Variants in DDX27 observed in about 807,000 individuals in gnomAD.
DDX27 encodes probable ATP-dependent RNA helicase DDX27.
In DDX27, 42 loss-of-function variants were observed where a neutral mutation model predicts 99.3. The ratio of observed to expected loss-of-function variants is 0.42; its 90% CI spans 0.33 to 0.55. DDX27 has a LOEUF of 0.55. DDX27 is among the 20% of genes least tolerant of loss of function. The pLI, the probability that DDX27 is intolerant of heterozygous loss-of-function variation, is 0.07. For missense variants in DDX27, 798 were observed against 976.8 expected (o/e 0.82, Z 2.44); for synonymous variants, 329 against 353.8 (o/e 0.93, Z 0.79).
In DDX27 at chr20:49,228,703, C is replaced by A; in HGVS notation, c.707-12C>A. 6.3e-7 allele frequency: 1 copy of A among 1,581,528 alleles called. No individual in the cohort carries two copies. Among genetic ancestry groups the A allele is most frequent in the Non-Finnish European group, 8.6e-7 (1 of 1,157,352 alleles). On this transcript the variant is annotated splice_polypyrimidine_tract_variant and intron_variant, in intron 7 of 20. Transcript: ENST00000618172. Reference sequence around the variant, plus strand: ...CTTCTTCTCATTGCTTCCTTGCTGTCCCTCCCTCCAGGTAAAACTGCCGCC... The same window carrying A: ...CTTCTTCTCATTGCTTCCTTGCTGTACCTCCCTCCAGGTAAAACTGCCGCC...
rs71186443 is a variant in DDX27 at position 49,238,765 on chromosome 20, C to CTTTTTT, written c.1688-164_1688-159dup. ...TACAGGCATGAGCCACTGTGCCTGG[C>CTTTTTT]TTTTTTTTTTTTTTTTTTTTTTTTT... On this transcript the variant is annotated intron_variant, in intron 14 of 20. Coordinates refer to ENST00000618172, the MANE Select transcript of DDX27 (RefSeq NM_017895.8). The CTTTTTT allele has an allele frequency of 8.6e-4, 207 of 239,666 alleles. 61 individuals carry two copies. The highest frequency in any genetic ancestry group is 1.9e-3 in the East Asian group (18 of 9,326). 14.8% of individuals were successfully genotyped at this position (239,666 alleles called of 1,614,324 possible).
intron 2 of DDX27, among the ~76,000 whole-genome samples, 183 bp from the exon 3 acceptor site, chr20:49,222,774 A>G (rs900043586): frequency 6.6e-6 from 1 of 152,046 alleles, no homozygotes; most frequent in Non-Finnish European, 1.5e-5. Context: ...CGGCCTCCCA[A>G]AGTGCTGGGA....
In DDX27 at chr20:49,236,312, C is replaced by T. The variant is rs776215602; in HGVS notation, c.1510-21C>T. On this transcript the variant is annotated intron_variant, in intron 13 of 20. Coordinates refer to ENST00000618172, the MANE Select transcript of DDX27 (RefSeq NM_017895.8). This position sits in a 1 kb window ranked among gnomAD's most constrained non-coding sequence, Gnocchi z 4.1. ...ACCCCCCTTCCCTTGCCAGGCCTGACGTTCATTTTTGACCTTCTAGGTAAT... is the reference window on the plus strand; with the variant it reads ...ACCCCCCTTCCCTTGCCAGGCCTGATGTTCATTTTTGACCTTCTAGGTAAT... The T allele has an allele frequency of 3.1e-5, 49 of 1,569,286 alleles. No individual in the cohort carries two copies. The highest frequency in any genetic ancestry group is 2.5e-4 in the South Asian group (21 of 85,402).
rs1980262158 is a variant in DDX27 at position 49,235,177 on chromosome 20, G to C, written c.1427+89G>C. On this transcript the variant is annotated intron_variant, in intron 12 of 20. Coordinates refer to ENST00000618172, the MANE Select transcript of DDX27 (RefSeq NM_017895.8). ...GAAGAGGACCCTGAGCATTCTATTA[G>C]AACATTAGCAGGGGACACATAGCAT... The C allele has an allele frequency of 9.8e-6, 14 of 1,430,454 alleles. 1 individual carries two copies. In the South Asian group the frequency reaches 2.0e-4, roughly 20 times the overall value. 88.6% of individuals were successfully genotyped at this position (1,430,454 alleles called of 1,614,324 possible). A position where few individuals can be genotyped will look rare whatever the true frequency, so the allele number is the denominator to read the frequency against.
rs773538010 is a variant in DDX27, at chr20:49,243,820, A to G, written c.2284A>G (p.Lys762Glu). The change falls in exon 21 of 21, where the codon AAG (lysine) becomes GAG (glutamate). Residue 762 changes from lysine (K) to glutamate (E), a missense_variant. Transcript: ENST00000618172. ...GGNFKSKSRYKRRK is the reference protein window; with the variant it reads ...GGNFKSKSRYERRK ...TTAACTCTGATTTTCTTACAGATAC[A>G]AGAGGAGGAAGTAGCTGTCGTGGCC... 3.7e-6 allele frequency: 6 copies of G among 1,614,168 alleles called. No individual in the cohort carries two copies. The highest frequency in any genetic ancestry group is 1.3e-5 in the African/African-American group (1 of 75,044).
At position 49,242,099 on chromosome 20, in the gene DDX27, A is replaced by C; in HGVS notation, c.2009A>C (p.Gln670Pro). Reference protein sequence around the residue: ...KGEMTAEERSQFEILKAQMFA... With the variant: ...KGEMTAEERSPFEILKAQMFA... Reference sequence around the variant, plus strand: ...TCCCCCTAGGCAGAGGAAAGGTCTCAGTTTGAAATCCTCAAGGCGCAGATG... The same window carrying C: ...TCCCCCTAGGCAGAGGAAAGGTCTCCGTTTGAAATCCTCAAGGCGCAGATG... Residue 670 changes from glutamine to proline, a missense_variant, in exon 18 of 21, where the codon CAG becomes CCG. Gln to Pro is a moderately conservative substitution (Grantham distance 76). This residue lies in a region of DDX27 where 553 missense variants were observed against 727.9 expected (regional missense o/e 0.76). Transcript: ENST00000618172. 1 of 1,614,224 alleles carries C rather than the reference A, an allele frequency of 6.2e-7. No individual in the cohort carries two copies. Among genetic ancestry groups the C allele is most frequent in the Non-Finnish European group, 8.5e-7 (1 of 1,180,036 alleles).
At chr20:49,226,019 C>T (rs552776766) in intron 6 of DDX27, among the ~76,000 whole-genome samples, 1 of 152,258 alleles carries the variant, frequency 6.6e-6, no homozygotes, top group South Asian at 2.1e-4. Flanking sequence ...GAAAACTCTT[C>T]CAGAAATCTT....
At chr20:49,228,470 A>G (rs1979977850) in intron 7 of DDX27, among the ~76,000 whole-genome samples, 1 of 151,956 alleles carries the variant, frequency 6.6e-6, no homozygotes, top group African/African-American at 2.4e-5. Flanking sequence ...TTGGGGCTTC[A>G]CTATGTTGGC....
At chr20:49,226,062 A>C (rs1342927798) in intron 6 of DDX27, among the ~76,000 whole-genome samples, 1 of 151,940 alleles carries the variant, frequency 6.6e-6, no homozygotes, top group African/African-American at 2.4e-5. Flanking sequence ...TCAGGGTTCA[A>C]CTCAGTATCC....
intron 6 of DDX27, among the ~76,000 whole-genome samples, 191 bp from the exon 7 acceptor site, chr20:49,226,239 C>A (rs961877343): frequency 4.6e-5 from 7 of 152,146 alleles, no homozygotes. Context: ...GTTTTTATTT[C>A]TTTTATTTAC....
rs554931994 is a variant in DDX27, at chr20:49,241,765, G to A, written c.1898-128G>A. 3.4e-5 allele frequency: 35 copies of A among 1,033,104 alleles called. 1 individual carries two copies. In the African/African-American group the frequency reaches 3.9e-4, roughly 11 times the overall value. The allele number at this position is 1,033,104 out of a possible 1,614,324, so 64.0% of individuals were successfully genotyped here. A position where few individuals can be genotyped will look rare whatever the true frequency, so the allele number is the denominator to read the frequency against. On this transcript the variant is annotated intron_variant, in intron 16 of 20. Transcript: ENST00000618172. The stretch of plus-strand genomic sequence containing the variant: ...ACTACAGGCACGAGCTACTGCACTC[G>A]GCCAAGAAGTGCTTGCCGCTTTTCA...
intron 8 of DDX27, among the ~76,000 whole-genome samples, chr20:49,229,492 A>T (rs945832855): frequency 3.3e-5 from 5 of 152,248 alleles, no homozygotes; most frequent in East Asian, 1.9e-4. Flanking sequence ...TACTTTGGGC[A>T]GCGTTTTTCC....
chr20:49,230,422 ACTGCGTTATT>A, intron 9 of DDX27, 73 bp downstream of exon 9: 1 of 1,519,596 alleles, frequency 6.6e-7, no homozygotes, highest in East Asian at 2.3e-5. Flanking sequence ...GACCTGCCAC[ACTGCGTTATT>A]CTTTGTGGCT....
chr20:49,239,088 G>C (rs780462192), intron 15 of DDX27, 33 bp downstream of exon 15: 9 of 1,583,192 alleles, frequency 5.7e-6, no homozygotes, highest in Admixed American at 1.7e-5. Context: ...TGTTCACAAG[G>C]CTGCTCAGTA....
At chr20:49,234,896 C>T (rs1980253007) in intron 11 of DDX27, 39 bp from the exon 12 acceptor site, 1 of 1,550,546 alleles carries the variant, frequency 6.4e-7, no homozygotes, top group Admixed American at 1.9e-5. Flanking sequence ...GAATAAGAGC[C>T]TAGAAACAGC....
intron 1 of DDX27, among the ~76,000 whole-genome samples, chr20:49,220,488 G>A (rs766310752): frequency 6.6e-6 from 1 of 152,216 alleles, no homozygotes. Flanking sequence ...TCACGTTAGA[G>A]ACCTCCCTTG....
Position 49,230,307 on chromosome 20 carries a change from AC to A in DDX27, c.991del (p.Leu331Ter). The A allele has an allele frequency of 6.2e-7, 1 of 1,611,770 alleles. No homozygotes were observed. The highest frequency in any genetic ancestry group is 8.5e-7 in the Non-Finnish European group (1 of 1,179,946). On this transcript the variant is annotated frameshift_variant, in exon 9 of 21. Coordinates refer to ENST00000618172, the MANE Select transcript of DDX27 (RefSeq NM_017895.8). LOFTEE classifies it high-confidence loss of function. ...IDHLHNCPSF[H>X]LSSIEVLILD... The stretch of plus-strand genomic sequence containing the variant: ...CACCTCCACAACTGCCCTTCCTTCC[AC>A]CTGAGCAGCATCGAGGTGCTCATCC...
chr20:49,241,644 T>C (rs1177729184), intron 16 of DDX27, among the ~76,000 whole-genome samples: 1 of 152,068 alleles, frequency 6.6e-6, no homozygotes, highest in African/African-American at 2.4e-5. Flanking sequence ...CTAATTTTTG[T>C]ATTTTTAGTA....
chr20:49,223,447 C>T lies in DDX27; in HGVS notation c.466+14C>T, dbSNP rs1201280526. On this transcript the variant is annotated intron_variant, in intron 4 of 20. Coordinates refer to ENST00000618172, the MANE Select transcript of DDX27 (RefSeq NM_017895.8). ...TCACCAAAGCAGGTAGACGTTACGG[C>T]GGAGGTGTCAGTAATGGGGACAGGA... 1.3e-5 allele frequency: 21 copies of T among 1,599,488 alleles called. No homozygotes were observed. Among genetic ancestry groups the T allele is most frequent in the South Asian group, 2.3e-5 (2 of 88,244 alleles).
Sources: allele counts gnomAD v4.1 joint callset (sites outside exome capture counted in the v4.1 genomes callset), GRCh38; gene constraint gnomAD v4.1.1; regional missense constraint gnomAD v4.1.1; non-coding constraint Gnocchi (gnomAD v3.1); transcripts MANE v1.5; gene names NCBI Gene and HGNC (gene_info 2026-07-23, HGNC 2026-07-21).